The following BNIP3L variants were observed in gnomAD, a reference collection of about 807,000 sequenced individuals.
BNIP3L encodes the protein BCL2/adenovirus E1B 19 kDa protein-interacting protein 3-like.
Under a neutral mutation model 25.5 loss-of-function variants are expected in BNIP3L, and 10 were observed. That is an observed-to-expected ratio of 0.39 (90% CI 0.24 to 0.67). The LOEUF is 0.67. Among genes scored for constraint, BNIP3L ranks in the 30% least tolerant of loss-of-function variants. The pLI, the probability that BNIP3L is intolerant of heterozygous loss-of-function variation, is 0.45. For synonymous variants in BNIP3L, 113 were observed against 101.2 expected, an observed-to-expected ratio of 1.12 and a Z score of -0.70; for missense variants, 215 against 270.9, an observed-to-expected ratio of 0.79 and a Z score of 1.45.
chr8:26,409,202 T>C (rs1206581771), intron 5 of BNIP3L, among the ~76,000 whole-genome samples: 2 of 152,194 alleles, frequency 1.3e-5, no homozygotes, highest in Admixed American at 1.3e-4. Context: ...AATTCATTAG[T>C]TTCTTAGCCA....
intron 3 of BNIP3L, among the ~76,000 whole-genome samples, chr8:26,400,469 A>G (rs1806344997): frequency 8.8e-6 from 1 of 113,238 alleles, no homozygotes; most frequent in Non-Finnish European, 1.8e-5. Flanking sequence ...ACCCTAGAAG[A>G]AAACCTAGGC....
intron 5 of BNIP3L, among the ~76,000 whole-genome samples, chr8:26,409,674 C>T (rs1806577887): frequency 1.3e-5 from 2 of 152,156 alleles, no homozygotes; most frequent in South Asian, 4.1e-4. Flanking sequence ...CTATACCTTG[C>T]CGTCTCTCTT....
At chr8:26,385,502 C>G (rs1255434287) in intron 1 of BNIP3L, among the ~76,000 whole-genome samples, 3 of 151,002 alleles carry the variant, frequency 2.0e-5, no homozygotes, top group African/African-American at 7.3e-5. Flanking sequence ...ATTCAGGCGG[C>G]TGAGGCAGGA....
chr8:26,383,615 C>A (rs1344801107), intron 1 of BNIP3L: 49 of 353,638 alleles, frequency 1.4e-4, no homozygotes, highest in Non-Finnish European at 1.6e-4. Flanking sequence ...GGGATGGGGA[C>A]GTGCGGCGGG....
In BNIP3L at chr8:26,412,410, C is replaced by A. The variant is rs1806649346; in HGVS notation, c.*1998C>A. On this transcript the variant is annotated 3_prime_UTR_variant, in exon 6 of 6. Coordinates refer to ENST00000380629, the MANE Select transcript of BNIP3L (RefSeq NM_004331.3). ...AAAATTACACTTTACCTGAAAGTGACTTCTTACAGCTAGTGCATTGTGCTC... is the reference window on the plus strand; with the variant it reads ...AAAATTACACTTTACCTGAAAGTGAATTCTTACAGCTAGTGCATTGTGCTC... 1.3e-5 allele frequency: 2 copies of A among 152,214 alleles called. No homozygotes were observed. Among genetic ancestry groups the A allele is most frequent in the Admixed American group, 6.5e-5 (1 of 15,280 alleles). 9.4% of individuals were successfully genotyped at this position (152,214 alleles called of 1,614,324 possible). A position where few individuals can be genotyped will look rare whatever the true frequency, so the allele number is the denominator to read the frequency against.
chr8:26,383,403 T>G (rs951500752), intron 1 of BNIP3L, 173 bp downstream of exon 1: 170 of 1,435,764 alleles, frequency 1.2e-4, no homozygotes, highest in Non-Finnish European at 1.5e-4. Flanking sequence ...GCGCCTGCCT[T>G]GCTCCGGGCC....
intron 1 of BNIP3L, among the ~76,000 whole-genome samples, chr8:26,386,358 AGTAGTGTAAATC>A (rs1563336979): frequency 6.6e-6 from 1 of 152,228 alleles, no homozygotes; most frequent in African/African-American, 2.4e-5. Flanking sequence ...AAATCAAAGT[AGTAGTGTAAATC>A]GTAGTATAAT....
intron 3 of BNIP3L, among the ~76,000 whole-genome samples, chr8:26,402,027 C>T (rs1210286144): frequency 2.0e-5 from 3 of 152,126 alleles, no homozygotes; most frequent in African/African-American, 7.2e-5. Context: ...TTGAATGAGT[C>T]GCAACAAAAA....
intron 3 of BNIP3L, among the ~76,000 whole-genome samples, chr8:26,407,373 A>G (rs1806525109): frequency 1.3e-5 from 2 of 151,740 alleles, no homozygotes. Flanking sequence ...TTTTTAGTAG[A>G]CACAGGGTTT....
chr8:26,408,791 G>A (rs1336182681), intron 5 of BNIP3L, among the ~76,000 whole-genome samples: 2 of 149,504 alleles, frequency 1.3e-5, no homozygotes, highest in Non-Finnish European at 3.0e-5. Flanking sequence ...AGAATCGCTT[G>A]AACATGGGAG....
chr8:26,402,461 A>G (rs779907698), intron 3 of BNIP3L, among the ~76,000 whole-genome samples: 41 of 152,260 alleles, frequency 2.7e-4, no homozygotes, highest in Non-Finnish European at 3.5e-4. Context: ...TTCAATCTAT[A>G]TCACCTTTTA....
chr8:26,399,670 C>T (rs1459518704), intron 3 of BNIP3L, among the ~76,000 whole-genome samples: 6 of 62,896 alleles, frequency 9.5e-5, no homozygotes, highest in African/African-American at 3.8e-4. Context: ...TAGAAAACCC[C>T]ATTTTCTCAG....
chr8:26,395,217 C>T lies in BNIP3L; in HGVS notation c.285-13C>T. ...GAGAATTAAAACTAATAGCTGAATT[C>T]CTTCTCTTCTAGCCCTTCGCCACAA... On this transcript the variant is annotated splice_polypyrimidine_tract_variant and intron_variant, in intron 2 of 5. Transcript: ENST00000380629. 2 of 1,612,516 alleles carry T rather than the reference C, an allele frequency of 1.2e-6. No homozygotes were observed. The highest frequency in any genetic ancestry group is 1.7e-6 in the Non-Finnish European group (2 of 1,179,216).
At chr8:26,401,325 C>A (rs1159355202) in intron 3 of BNIP3L, among the ~76,000 whole-genome samples, 74 of 141,840 alleles carry the variant, frequency 5.2e-4, no homozygotes, top group Non-Finnish European at 9.4e-4. Flanking sequence ...AACAAAAAAC[C>A]AAACACCGCA....
At chr8:26,408,871 C>T (rs1379367998) in intron 5 of BNIP3L, among the ~76,000 whole-genome samples, 1 of 41,200 alleles carries the variant, frequency 2.4e-5, no homozygotes, top group Non-Finnish European at 4.5e-5. Flanking sequence ...GACTCCATCT[C>T]GGAAAAAAAA....
At chr8:26,385,548 A>T (rs1018812869) in intron 1 of BNIP3L, among the ~76,000 whole-genome samples, 21 of 147,178 alleles carry the variant, frequency 1.4e-4, no homozygotes, top group Admixed American at 1.2e-3. Context: ...GGTTGCAGTG[A>T]GCCGAGATCA....
chr8:26,400,095 C>T (rs1201283925), intron 3 of BNIP3L, among the ~76,000 whole-genome samples: 2 of 150,256 alleles, frequency 1.3e-5, no homozygotes, highest in African/African-American at 4.9e-5. Flanking sequence ...AAAAAAGAGC[C>T]TGCATCGCCA....
intron 2 of BNIP3L, among the ~76,000 whole-genome samples, chr8:26,391,944 T>C (rs1300721760): frequency 6.6e-6 from 1 of 152,228 alleles, no homozygotes; most frequent in Non-Finnish European, 1.5e-5. Context: ...CTTCACGTTA[T>C]AGCAATATTT....
In BNIP3L at chr8:26,408,344, C is replaced by T; in HGVS notation, c.579C>T (p.Leu193=). The change falls in exon 5 of 6, where the codon CTC becomes CTT. Residue 193 remains leucine, a synonymous_variant. Transcript: ENST00000380629. ...TTCTGAAGGTGTTCATTCCATCTCT[C>T]TTCCTTTCTCATGTTTTGGCTTTGG... The part of the protein sequence containing the change: ...AEFLKVFIPS[L]FLSHVLALGL... 2 of 1,614,150 alleles carry T rather than the reference C, an allele frequency of 1.2e-6. No individual in the cohort carries two copies. The highest frequency in any genetic ancestry group is 4.5e-5 in the East Asian group (2 of 44,886).
Sources: allele counts gnomAD v4.1 joint callset (sites outside exome capture counted in the v4.1 genomes callset), GRCh38; gene constraint gnomAD v4.1.1; transcripts MANE v1.5; gene names NCBI Gene and HGNC (gene_info 2026-07-23, HGNC 2026-07-21).